The following ADAMTS18 variants were observed in gnomAD, a reference collection of about 807,000 sequenced individuals.
ADAMTS18 encodes the protein A disintegrin and metalloproteinase with thrombospondin motifs 18.
ADAMTS18 carries 157 observed loss-of-function variants against 165.9 expected under a neutral mutation model. The ratio of observed to expected loss-of-function variants is 0.95; its 90% CI spans 0.83 to 1.08. The LOEUF is 1.08. Among genes scored for constraint, ADAMTS18 ranks in the 50% least tolerant of loss-of-function variants. ADAMTS18 has a pLI of 0.00. For synonymous variants in ADAMTS18, 782 were observed against 578.2 expected (o/e 1.35, Z -5.06); for missense variants, 2,040 against 1,534.0 (o/e 1.33, Z -5.51).
At chr16:77,386,782 T>C (rs931056749) in intron 3 of ADAMTS18, among the ~76,000 whole-genome samples, 1 of 152,184 alleles carries the variant, frequency 6.6e-6, no homozygotes, top group Non-Finnish European at 1.5e-5. Flanking sequence ...TACCCAAAGA[T>C]AGTTTTTCCT....
At chr16:77,334,159 CAGTGTTATATATTATATATAATATAT>C in intron 12 of ADAMTS18, among the ~76,000 whole-genome samples, 1 of 51,368 alleles carries the variant, frequency 1.9e-5, no homozygotes, top group African/African-American at 8.9e-5. Context: ...ATATAATATA[CAGTGTTATATATTATATATAATATAT>C]AGTGTTATAT....
In ADAMTS18 at chr16:77,313,475, G is replaced by T. The variant is rs8056433; in HGVS notation, c.2532+6374C>A. On this transcript the variant is annotated intron_variant, in intron 16 of 22. Coordinates refer to ENST00000282849, the MANE Select transcript of ADAMTS18 (RefSeq NM_199355.4). ...AAAATAAATAAATAAATAAATAAATGACTCAAGGTTTAAAAAAAAAAAAAC... is the reference window on the plus strand; with the variant it reads ...AAAATAAATAAATAAATAAATAAATTACTCAAGGTTTAAAAAAAAAAAAAC... 7.8e-3 allele frequency among the ~76,000 whole-genome samples: 1,028 copies of T among 131,266 alleles called. 15 individuals carry two copies. Among genetic ancestry groups the T allele is most frequent in the African/African-American group, 0.028 (956 of 34,476 alleles). The allele number at this position is 131,266 out of a possible 152,430, so 86.1% of individuals were successfully genotyped here.
At chr16:77,312,311 A>G (rs1205499724) in intron 16 of ADAMTS18, among the ~76,000 whole-genome samples, 1 of 151,500 alleles carries the variant, frequency 6.6e-6, no homozygotes, top group Non-Finnish European at 1.5e-5. Flanking sequence ...GTCTTGGCTC[A>G]CCGCAACCTC....
intron 3 of ADAMTS18, among the ~76,000 whole-genome samples, chr16:77,385,887 G>C (rs1040679253): frequency 6.6e-6 from 1 of 152,142 alleles, no homozygotes; most frequent in Non-Finnish European, 1.5e-5. Flanking sequence ...AATAATCATA[G>C]GATTAAGAGA....
intron 22 of ADAMTS18, among the ~76,000 whole-genome samples, chr16:77,284,855 T>C (rs1001018549): frequency 8.5e-5 from 13 of 152,110 alleles, no homozygotes; most frequent in African/African-American, 2.9e-4. Context: ...GTCCACGAAC[T>C]ATAATTTCAG....
At chr16:77,404,077 A>G (rs12926006) in intron 3 of ADAMTS18, among the ~76,000 whole-genome samples, 46,685 of 149,230 alleles carry the variant, frequency 0.31, 8,499 homozygotes, top group Non-Finnish European at 0.43. Context: ...TCTGCAGAGT[A>G]CAATATGAAA....
chr16:77,341,581 T>C (rs1222475586), intron 11 of ADAMTS18, 123 bp downstream of exon 11: 4 of 792,818 alleles, frequency 5.0e-6, no homozygotes, highest in South Asian at 4.5e-5. Flanking sequence ...ATGTTGTTAA[T>C]ATGAAGAGAA....
At position 77,363,805 on chromosome 16, in the gene ADAMTS18, T is replaced by C. The variant is rs753940840; in HGVS notation, c.1053A>G (p.Glu351=). ...ATAAATGAAGTTTGCCACTTACAGGTTCTTGTTCCAGAAGAATTAGGCTCA... is the reference window on the plus strand; with the variant it reads ...ATAAATGAAGTTTGCCACTTACAGGCTCTTGTTCCAGAAGAATTAGGCTCA... ...VVVSLILLEQ[E]PGGLLINHHA... The change falls in exon 6 of 23, where the codon GAA becomes GAG. Residue 351 remains glutamate, a synonymous_variant. Transcript: ENST00000282849. 5 of 1,613,700 alleles carry C rather than the reference T, an allele frequency of 3.1e-6. No homozygotes were observed. The Admixed American group carries it at 8.3e-5, about 27-fold the overall frequency.
chr16:77,431,366 G>T lies in ADAMTS18; in HGVS notation c.424C>A (p.Gln142Lys). ...ASETQKPEVQ[Q>K]CFYQGFIRND... is the part of the protein sequence containing the mutation. ...CTGATAAATCCCTGATAGAAGCATTGCTGCACCTCGGGTTTCTGAGTCTCT... is the reference window on the plus strand; with the variant it reads ...CTGATAAATCCCTGATAGAAGCATTTCTGCACCTCGGGTTTCTGAGTCTCT... Residue 142 changes from glutamine (Q) to lysine (K), a missense_variant, in exon 3 of 23, where the codon CAA (glutamine) becomes AAA (lysine). Transcript: ENST00000282849. 6.2e-7 allele frequency: 1 copy of T among 1,614,122 alleles called. No homozygotes were observed. Among genetic ancestry groups the T allele is most frequent in the Non-Finnish European group, 8.5e-7 (1 of 1,180,036 alleles).
At chr16:77,288,984 C>G (rs551890734) in intron 22 of ADAMTS18, among the ~76,000 whole-genome samples, 1 of 152,276 alleles carries the variant, frequency 6.6e-6, no homozygotes, top group East Asian at 1.9e-4. Flanking sequence ...ACTCAGGAGG[C>G]TGAGGCAGGA....
intron 16 of ADAMTS18, among the ~76,000 whole-genome samples, chr16:77,309,742 T>C (rs1354524719): frequency 6.6e-6 from 1 of 152,168 alleles, no homozygotes; most frequent in Non-Finnish European, 1.5e-5. Flanking sequence ...CGCATTATCC[T>C]GCCTTGTACT....
At chr16:77,296,764 G>A (rs1206606654) in intron 18 of ADAMTS18, among the ~76,000 whole-genome samples, 3 of 152,084 alleles carry the variant, frequency 2.0e-5, no homozygotes, top group Non-Finnish European at 4.4e-5. Flanking sequence ...AGGTGGCAGT[G>A]AGCTATCATG....
chr16:77,413,629 GA>G (rs981100142), intron 3 of ADAMTS18, among the ~76,000 whole-genome samples: 2 of 152,022 alleles, frequency 1.3e-5, no homozygotes, highest in Non-Finnish European at 2.9e-5. Context: ...TTAATTTCCT[GA>G]CCATGGATAT....
chr16:77,409,843 T>G (rs1048804836), intron 3 of ADAMTS18, among the ~76,000 whole-genome samples: 1 of 152,164 alleles, frequency 6.6e-6, no homozygotes, highest in East Asian at 1.9e-4. Flanking sequence ...CACCAATGTA[T>G]AGAGACGTTT....
chr16:77,413,564 T>C (rs900887516), intron 3 of ADAMTS18, among the ~76,000 whole-genome samples: 3 of 152,236 alleles, frequency 2.0e-5, no homozygotes, highest in Non-Finnish European at 2.9e-5. Context: ...GAATTATTTT[T>C]GTCACTCAAC....
At position 77,289,319 on chromosome 16, in the gene ADAMTS18, T is replaced by C. The variant is rs760649890; in HGVS notation, c.3495A>G (p.Lys1165=). Residue 1165 remains lysine, a synonymous_variant, in exon 22 of 23, where the codon AAA becomes AAG. Coordinates refer to ENST00000282849, the MANE Select transcript of ADAMTS18 (RefSeq NM_199355.4). ...RPSSSCLLHQ[K]PPVLRACNTN... ...TATTACAGGCTCGTAGCACCGGAGGTTTCTGATGGAGCAGACAACTTGAGG... is the reference window on the plus strand; with the variant it reads ...TATTACAGGCTCGTAGCACCGGAGGCTTCTGATGGAGCAGACAACTTGAGG... 6.2e-7 allele frequency: 1 copy of C among 1,613,714 alleles called. No individual in the cohort carries two copies.
At chr16:77,322,205 A>C (rs2056013052) in intron 14 of ADAMTS18, 131 bp downstream of exon 14, 8 of 967,240 alleles carry the variant, frequency 8.3e-6, no homozygotes, top group Middle Eastern at 2.9e-4. Context: ...CCAGTGAAAC[A>C]CTTTGCTCTT....
chr16:77,433,523 G>C (rs1052216498), intron 2 of ADAMTS18: 3 of 152,216 alleles, frequency 2.0e-5, no homozygotes, highest in Admixed American at 6.5e-5. Flanking sequence ...GTGGCCTCCA[G>C]CCATCTGATC....
chr16:77,432,847 C>A (rs1402814418), intron 2 of ADAMTS18, among the ~76,000 whole-genome samples: 1 of 151,912 alleles, frequency 6.6e-6, no homozygotes, highest in Non-Finnish European at 1.5e-5. Context: ...ATTAGGCTCA[C>A]ATTAAAAAAG....
Sources: gnomAD v4.1 joint callset for allele counts (sites outside exome capture counted in the v4.1 genomes callset) on GRCh38, gnomAD v4.1.1 for gene constraint, MANE v1.5 for transcripts, NCBI Gene and HGNC (gene_info 2026-07-23, HGNC 2026-07-21) for gene names.